KAZN: variants seen among roughly 807,000 people sequenced by gnomAD.
KAZN encodes the protein kazrin, periplakin interacting protein, also known as kazrin.
A neutral mutation model predicts 87.4 loss-of-function variants in KAZN; 40 were observed. The observed-to-expected ratio is 0.46, with a 90% CI of 0.36 to 0.60. The LOEUF is 0.60. KAZN is among the 20% of genes least tolerant of loss of function. The pLI, the probability that KAZN is intolerant of heterozygous loss-of-function variation, is 0.00. For missense variants in KAZN, 898 were observed against 1,073.9 expected (o/e 0.84, Z 2.29); for synonymous variants, 466 against 458.3 (o/e 1.02, Z -0.22).
intron 2 of KAZN, among the ~76,000 whole-genome samples, chr1:14,975,575 TAATA>T (rs1376896107): frequency 1.3e-5 from 2 of 152,148 alleles, no homozygotes; most frequent in Non-Finnish European, 2.9e-5. Context: ...TATATATAAT[TAATA>T]AAGTTTTTAT....
chr1:13,900,592 C>T (rs1639213410), intron 1 of KAZN, among the ~76,000 whole-genome samples: 1 of 152,178 alleles, frequency 6.6e-6, no homozygotes, highest in Admixed American at 6.5e-5. Context: ...GGGCCTCCCA[C>T]ATCACTACAT....
At chr1:14,106,228 C>T (rs1644371465) in intron 1 of KAZN, among the ~76,000 whole-genome samples, 1 of 152,196 alleles carries the variant, frequency 6.6e-6, no homozygotes, top group Non-Finnish European at 1.5e-5. Flanking sequence ...CCCAACAGAA[C>T]CCAACACAGC....
At position 14,693,469 on chromosome 1, in the gene KAZN, A is replaced by G. The variant is rs149440048; in HGVS notation, c.226+94246A>G. Among the ~76,000 whole-genome samples, 974 of 152,324 alleles carry G rather than the reference A, an allele frequency of 6.4e-3. 12 individuals are homozygous for G. The highest frequency in any genetic ancestry group is 0.022 in the African/African-American group (901 of 41,570). On this transcript the variant is annotated intron_variant, in intron 1 of 14. Coordinates refer to ENST00000376030, the MANE Select transcript of KAZN (RefSeq NM_201628.3). ...GAGAGGGAAATTCTTAAATCAGCTC[A>G]TGCTGGACTCGTCTTACGTTGTTTT...
chr1:14,841,264 G>T (rs1647948102), intron 1 of KAZN, among the ~76,000 whole-genome samples: 1 of 151,834 alleles, frequency 6.6e-6, no homozygotes, highest in Admixed American at 6.6e-5. Context: ...AGTTAGCCAG[G>T]CGTGGTGGTG....
rs568931321 is a variant in KAZN at position 14,139,552 on chromosome 1, A to G, written c.92-40883A>G. ...CTGGAGCTCCCAGCCCCATTATTCT[A>G]TTCCACTTTTGCTTCCTGCAATGTG... On this transcript the variant is annotated intron_variant, in intron 1 of 16. Transcript: ENST00000636203. Among the ~76,000 whole-genome samples the G allele has an allele frequency of 2.2e-4, 33 of 152,236 alleles. 1 individual carries two copies. Among genetic ancestry groups the G allele is most frequent in the Non-Finnish European group, 3.7e-4 (25 of 68,014 alleles).
intron 1 of KAZN, among the ~76,000 whole-genome samples, chr1:13,979,930 C>CAAAA (rs142839854): frequency 5.0e-5 from 5 of 100,480 alleles, no homozygotes; most frequent in East Asian, 2.8e-4. Flanking sequence ...GACTCCGTCT[C>CAAAA]AAAAAAAAAA....
intron 2 of KAZN, among the ~76,000 whole-genome samples, chr1:14,550,720 T>TCTCC: frequency 1.2e-5 from 1 of 80,688 alleles, no homozygotes; most frequent in Non-Finnish European, 2.9e-5. Context: ...TCTCTCTCTC[T>TCTCC]CTCTCTCTCT....
At chr1:14,730,378 G>A (rs371790537) in intron 1 of KAZN, among the ~76,000 whole-genome samples, 19 of 152,152 alleles carry the variant, frequency 1.2e-4, no homozygotes, top group African/African-American at 3.6e-4. Flanking sequence ...CACCGTGCCC[G>A]GCCTAAAGTA....
chr1:14,964,285 G>A (rs1443167451), intron 2 of KAZN, among the ~76,000 whole-genome samples: 3 of 152,164 alleles, frequency 2.0e-5, no homozygotes, highest in African/African-American at 7.2e-5. Context: ...CTAATAAACA[G>A]TAGCTACTTC....
chr1:14,196,783 G>T (rs941126351), intron 2 of KAZN, among the ~76,000 whole-genome samples: 1 of 152,044 alleles, frequency 6.6e-6, no homozygotes, highest in African/African-American at 2.4e-5. Flanking sequence ...TGTAAATGAG[G>T]AGAGGAGAAG....
intron 2 of KAZN, among the ~76,000 whole-genome samples, chr1:15,001,373 C>T (rs549074560): frequency 2.0e-5 from 3 of 150,912 alleles, no homozygotes; most frequent in East Asian, 1.9e-4. Context: ...TGCTGAGGCA[C>T]GAGAATCACT....
intron 2 of KAZN, among the ~76,000 whole-genome samples, chr1:14,274,975 C>A (rs1315137474): frequency 6.6e-6 from 1 of 151,610 alleles, no homozygotes; most frequent in Non-Finnish European, 1.5e-5. Context: ...TGTATGGGAC[C>A]ATTTTTGGTT....
intron 1 of KAZN, among the ~76,000 whole-genome samples, chr1:14,785,791 A>G (rs1434503117): frequency 6.6e-6 from 1 of 152,178 alleles, no homozygotes; most frequent in Non-Finnish European, 1.5e-5. Flanking sequence ...TTGTTACTCA[A>G]GAAGTAGAGG....
At chr1:14,490,682 G>A (rs556242579) in intron 2 of KAZN, among the ~76,000 whole-genome samples, 9 of 152,124 alleles carry the variant, frequency 5.9e-5, no homozygotes, top group South Asian at 2.1e-4. Flanking sequence ...TAGCAGAGAC[G>A]GGGTGGTTGT....
At chr1:14,062,714 A>T (rs1257923480) in intron 1 of KAZN, among the ~76,000 whole-genome samples, 1 of 152,118 alleles carries the variant, frequency 6.6e-6, no homozygotes, top group Non-Finnish European at 1.5e-5. Context: ...CAATAATCAA[A>T]TGACCGTCCA....
intron 2 of KAZN, among the ~76,000 whole-genome samples, chr1:14,192,663 A>G (rs1361794586): frequency 1.3e-5 from 2 of 152,204 alleles, no homozygotes; most frequent in African/African-American, 4.8e-5. Flanking sequence ...ATATTTTCAA[A>G]GAAAATTTGA....
At chr1:14,400,426 G>A (rs527266655) in intron 2 of KAZN, among the ~76,000 whole-genome samples, 1 of 152,164 alleles carries the variant, frequency 6.6e-6, no homozygotes, top group African/African-American at 2.4e-5. Flanking sequence ...TCCTTGGGAG[G>A]TGCTTTCTCT....
At chr1:14,948,019 T>C (rs1662036583) in intron 1 of KAZN, among the ~76,000 whole-genome samples, 1 of 152,238 alleles carries the variant, frequency 6.6e-6, no homozygotes, top group South Asian at 2.1e-4. Flanking sequence ...TAAAGAGTGA[T>C]AAGTGCTCAC....
At chr1:14,129,041 C>T (rs946348375) in intron 1 of KAZN, among the ~76,000 whole-genome samples, 2 of 152,148 alleles carry the variant, frequency 1.3e-5, no homozygotes, top group African/African-American at 4.8e-5. Flanking sequence ...TTTATGGACT[C>T]ACTTCCCTTG....
Sources: gnomAD v4.1 joint callset for allele counts (sites outside exome capture counted in the v4.1 genomes callset) on GRCh38, gnomAD v4.1.1 for gene constraint, MANE v1.5 for transcripts, NCBI Gene and HGNC (gene_info 2026-07-23, HGNC 2026-07-21) for gene names.